The following PRKAG1 variants were observed in gnomAD, a reference collection of about 807,000 sequenced individuals.
The protein encoded by PRKAG1 is 5'-AMP-activated protein kinase subunit gamma-1.
Under a neutral mutation model 48.2 loss-of-function variants are expected in PRKAG1, and 27 were observed. The ratio of observed to expected loss-of-function variants is 0.56; its 90% CI spans 0.41 to 0.77. The LOEUF is 0.77. PRKAG1 is among the 30% of genes least tolerant of loss of function. PRKAG1 has a pLI of 0.00. For missense variants in PRKAG1, 287 were observed against 398.3 expected (o/e 0.72, Z 2.38); for synonymous variants, 130 against 147.7 (o/e 0.88, Z 0.87).
At chr12:49,017,826 A>T (rs1942054929) in intron 1 of PRKAG1, 1 of 152,370 alleles carries the variant, frequency 6.6e-6, no homozygotes, top group African/African-American at 2.4e-5. Flanking sequence ...GGTGTGGCAA[A>T]GAATTACTCT....
In PRKAG1 at chr12:49,004,511, A is replaced by C; in HGVS notation, c.533T>G (p.Leu178Trp). The C allele has an allele frequency of 6.2e-7, 1 of 1,614,098 alleles. No homozygotes were observed. Among genetic ancestry groups the C allele is most frequent in the Non-Finnish European group, 8.5e-7 (1 of 1,179,972 alleles). ...THKRILKFLK[L>W]FITEFPKPEF... ...ACTGGGCTGAGGAGCACTTACAAAC[A>C]ATTTGAGGAACTTCAGAATGCGCTT... The change falls in exon 8 of 12, where the codon TTG (leucine) becomes TGG (tryptophan). Residue 178 changes from leucine to tryptophan, a missense_variant. By Grantham distance (61) the Leu-to-Trp change is moderately conservative (BLOSUM62 -2). Transcript: ENST00000548065.
chr12:49,013,296 C>G (rs912682740), intron 1 of PRKAG1, among the ~76,000 whole-genome samples, 186 bp from the exon 2 acceptor site: 7 of 152,054 alleles, frequency 4.6e-5, no homozygotes, highest in African/African-American at 1.7e-4. Flanking sequence ...GGCTGCAGTG[C>G]AGTGGTGTGA....
At position 49,013,088 on chromosome 12, in the gene PRKAG1, G is replaced by A. The variant is rs760604229; in HGVS notation, c.32C>T (p.Pro11Leu). Residue 11 changes from proline to leucine, a missense_variant, in exon 2 of 12, where the codon CCA (proline) becomes CTA (leucine). Pro to Leu is a moderately conservative substitution (Grantham distance 98, BLOSUM62 -3). Around this residue, in one of 2 missense-constraint regions of PRKAG1, gnomAD observed 63 missense variants for 54.0 expected, o/e 1.17. Transcript: ENST00000548065. The stretch of plus-strand genomic sequence containing the variant: ...TTGAGGATGCTCATTTTCCACAGCT[G>A]GGGAGCTATCTGAAGAAATGACCTG... METVISSDSS[P>L]AVENEHPQET... 1 of 1,613,746 alleles carries A rather than the reference G, an allele frequency of 6.2e-7. No homozygotes were observed. The highest frequency in any genetic ancestry group is 8.5e-7 in the Non-Finnish European group (1 of 1,179,684).
intron 2 of PRKAG1, 142 bp downstream of exon 2, chr12:49,012,920 C>A (rs1340962154): frequency 1.3e-6 from 1 of 768,994 alleles, no homozygotes; most frequent in Non-Finnish European, 2.2e-6. Flanking sequence ...TGCCAAACTA[C>A]TGTCACTGAT....
In PRKAG1 at chr12:49,005,207, C is replaced by T. The variant is rs368563863; in HGVS notation, c.310-42G>A. 6.3e-5 allele frequency: 102 copies of T among 1,613,440 alleles called. No individual in the cohort carries two copies. The highest frequency in any genetic ancestry group is 8.0e-5 in the Non-Finnish European group (94 of 1,179,468). On this transcript the variant is annotated intron_variant, in intron 5 of 11. Transcript: ENST00000548065. This position sits in a 1 kb window ranked among gnomAD's most constrained non-coding sequence, Gnocchi z 4.1. ...CAGAATTTGAGACCTGATCTCTCTG[C>T]TTCCTTAAGCCCTCGTGGCTTGCTT...
Position 49,003,587 on chromosome 12 carries a change from C to T in PRKAG1, c.712G>A (p.Val238Met). The change falls in exon 10 of 12, where the codon GTG becomes ATG. Residue 238 changes from valine (V) to methionine (M), a missense_variant. Around this residue, in one of 2 missense-constraint regions of PRKAG1, gnomAD observed 224 missense variants for 344.3 expected, o/e 0.65. Coordinates refer to ENST00000548065, the MANE Select transcript of PRKAG1 (RefSeq NM_002733.5). ...ACATCAAACTTGGAGTAGATGTCCA[C>T]CACACGCCCTAGGGGGACAGAGGCA... ...LPVVDEKGRV[V>M]DIYSKFDVIN... The T allele has an allele frequency of 6.2e-7, 1 of 1,610,364 alleles. No homozygotes were observed. The highest frequency in any genetic ancestry group is 8.5e-7 in the Non-Finnish European group (1 of 1,177,570).
chr12:49,014,133 C>A (rs1941874190), intron 1 of PRKAG1, among the ~76,000 whole-genome samples: 1 of 152,194 alleles, frequency 6.6e-6, no homozygotes, highest in Non-Finnish European at 1.5e-5. Context: ...ATCTGCCCGC[C>A]TCAGCCTCAC....
chr12:49,015,117 A>C (rs1024451150), intron 1 of PRKAG1, among the ~76,000 whole-genome samples: 1 of 152,204 alleles, frequency 6.6e-6, no homozygotes, highest in Non-Finnish European at 1.5e-5. Flanking sequence ...TGGACTGCAT[A>C]AGACTGTCAG....
chr12:49,006,817 A>T (rs752253989), intron 2 of PRKAG1, among the ~76,000 whole-genome samples: 7 of 151,458 alleles, frequency 4.6e-5, no homozygotes, highest in Non-Finnish European at 7.4e-5. Flanking sequence ...TAAAAATACA[A>T]AATTAGCCGG....
rs755904010 is a variant in PRKAG1 at position 49,003,003 on chromosome 12, G to A, written c.892C>T (p.His298Tyr). ...IINRLVEAEVHRLVVVDENDV... is the reference protein window; with the variant it reads ...IINRLVEAEVYRLVVVDENDV... The stretch of plus-strand genomic sequence containing the variant: ...TTTTCATCCACCACTACAAGTCGGT[G>A]AACCTGGCACAGAGCAACAAGGGAG... Residue 298 changes from histidine (H) to tyrosine (Y), a missense_variant, in exon 12 of 12, where the codon CAC becomes TAC. Physicochemically the swap from His to Tyr is moderately conservative, Grantham distance 83. Around this residue, in one of 2 missense-constraint regions of PRKAG1, gnomAD observed 224 missense variants for 344.3 expected, o/e 0.65. Coordinates refer to ENST00000548065, the MANE Select transcript of PRKAG1 (RefSeq NM_002733.5). 2 of 1,614,116 alleles carry A rather than the reference G, an allele frequency of 1.2e-6. No individual in the cohort carries two copies. Among genetic ancestry groups the A allele is most frequent in the Non-Finnish European group, 1.7e-6 (2 of 1,179,994 alleles).
At chr12:49,011,192 A>C (rs1024090642) in intron 2 of PRKAG1, among the ~76,000 whole-genome samples, 3 of 152,106 alleles carry the variant, frequency 2.0e-5, no homozygotes, top group African/African-American at 7.2e-5. Flanking sequence ...TTGTTATTCA[A>C]ACTTGAGAAT....
rs1458654889 is a variant in PRKAG1, at chr12:49,003,363, CA to C, written c.742-74del. 6.3e-6 allele frequency: 10 copies of C among 1,589,182 alleles called. No individual in the cohort carries two copies. In the Admixed American group the frequency reaches 8.4e-5, roughly 13 times the overall value. On this transcript the variant is annotated intron_variant, in intron 10 of 11. Coordinates refer to ENST00000548065, the MANE Select transcript of PRKAG1 (RefSeq NM_002733.5). ...TCCAAACCCTGAACCCATCCAACCT[CA>C]ACAGAGGGATTCAGGGCAATTGTCA...
chr12:49,014,004 C>A (rs952914874), intron 1 of PRKAG1, among the ~76,000 whole-genome samples: 1 of 152,086 alleles, frequency 6.6e-6, no homozygotes, highest in African/African-American at 2.4e-5. Flanking sequence ...CGTGCCTCAG[C>A]CTCCTGAGAG....
intron 1 of PRKAG1, 72 bp from the exon 2 acceptor site, chr12:49,013,182 G>T (rs761768053): frequency 1.5e-5 from 20 of 1,333,398 alleles, no homozygotes; most frequent in Non-Finnish European, 2.2e-5. Context: ...TTAGGGGAAG[G>T]GCTGGTGAAC....
chr12:49,017,034 CCT>C (rs1240697502), intron 1 of PRKAG1: 2 of 428,146 alleles, frequency 4.7e-6, no homozygotes, highest in African/African-American at 4.1e-5. Flanking sequence ...TTTGCAGTGC[CCT>C]CTCCTAGGTC....
chr12:49,007,859 C>CTTT (rs766217437), intron 2 of PRKAG1, among the ~76,000 whole-genome samples: 3 of 136,546 alleles, frequency 2.2e-5, no homozygotes, highest in African/African-American at 2.7e-5. Context: ...GTATTTCAAT[C>CTTT]TTTTTTTTTT....
intron 10 of PRKAG1, 53 bp downstream of exon 10, chr12:49,003,505 A>G: frequency 1.3e-6 from 2 of 1,569,374 alleles, no homozygotes; most frequent in East Asian, 2.2e-5. Context: ...CATATTTAAC[A>G]GTGCCCCCCC....
chr12:49,015,007 C>A (rs533563708), intron 1 of PRKAG1, among the ~76,000 whole-genome samples: 13 of 152,308 alleles, frequency 8.5e-5, no homozygotes, highest in Non-Finnish European at 1.5e-4. Flanking sequence ...GGCTGACAAA[C>A]TTCCTAAACC....
At chr12:49,003,465 G>C in intron 10 of PRKAG1, 93 bp downstream of exon 10, 1 of 1,556,796 alleles carries the variant, frequency 6.4e-7, no homozygotes, top group Non-Finnish European at 8.8e-7. Context: ...AAGACCCTTA[G>C]ATCACAGAAG....
Sources: allele counts gnomAD v4.1 joint callset (sites outside exome capture counted in the v4.1 genomes callset), GRCh38; gene constraint gnomAD v4.1.1; regional missense constraint gnomAD v4.1.1; non-coding constraint Gnocchi (gnomAD v3.1); transcripts MANE v1.5; gene names NCBI Gene and HGNC (gene_info 2026-07-23, HGNC 2026-07-21).